Variants in HAPLN1 observed in about 807,000 individuals in gnomAD.
HAPLN1 encodes the protein Cartilage link protein.
A neutral mutation model predicts 36.5 loss-of-function variants in HAPLN1; 13 were observed. The ratio of observed to expected loss-of-function variants is 0.36; its 90% CI spans 0.23 to 0.57. The LOEUF (loss-of-function observed/expected upper bound fraction) is 0.57, where lower values mean the gene tolerates loss of function less well. Among genes scored for constraint, HAPLN1 ranks in the 20% least tolerant of loss-of-function variants. The pLI is 0.83. For synonymous variants in HAPLN1, 202 were observed against 169.8 expected (o/e 1.19, Z -1.48); for missense variants, 407 against 439.7 (o/e 0.93, Z 0.66).
rs994236317 is a variant in HAPLN1, at chr5:83,701,955, CACAA to C, written c.-27+18830_-27+18833del. 4.1e-5 allele frequency among the ~76,000 whole-genome samples: 6 copies of C among 144,764 alleles called. No homozygotes were observed. The South Asian group carries it at 6.6e-4, about 16-fold the overall frequency. The allele number at this position is 144,764 out of a possible 152,430, so 95.0% of individuals were successfully genotyped here. ...ACACACACACACACACACACACACA[CACAA>C]AATCTATATGAAGTAATCGAGGTAC... On this transcript the variant is annotated intron_variant, in intron 1 of 4. Coordinates refer to ENST00000274341, the MANE Select transcript of HAPLN1 (RefSeq NM_001884.4).
At chr5:83,669,279 G>A (rs1438096361) in intron 2 of HAPLN1, among the ~76,000 whole-genome samples, 1 of 152,124 alleles carries the variant, frequency 6.6e-6, no homozygotes, top group African/African-American at 2.4e-5. Flanking sequence ...GATGTGGGCT[G>A]ATCACCTGAG....
In HAPLN1 at chr5:83,652,534, G is replaced by C; in HGVS notation, c.391C>G (p.Leu131Val). 6.2e-7 allele frequency: 1 copy of C among 1,614,114 alleles called. No individual in the cohort carries two copies. Among genetic ancestry groups the C allele is most frequent in the Non-Finnish European group, 8.5e-7 (1 of 1,179,996 alleles). Reference sequence around the variant, plus strand: ...CACTTATATCTCCCATAATCTTCCAGAGTGAGGTCTGTGATGACCAGAGAA... The same window carrying C: ...CACTTATATCTCCCATAATCTTCCACAGTGAGGTCTGTGATGACCAGAGAA... The part of the protein sequence containing the change: ...DASLVITDLT[L>V]EDYGRYKCEV... The change falls in exon 3 of 5, where the codon CTG becomes GTG. Residue 131 changes from leucine (L) to valine (V), a missense_variant. Transcript: ENST00000274341.
At chr5:83,643,551 T>A (rs138304754) in intron 4 of HAPLN1, among the ~76,000 whole-genome samples, 1 of 152,130 alleles carries the variant, frequency 6.6e-6, no homozygotes, top group Non-Finnish European at 1.5e-5. Flanking sequence ...GCTGTCACCA[T>A]CTTAAAATTT....
chr5:83,683,091 C>T (rs1751044675), intron 1 of HAPLN1, among the ~76,000 whole-genome samples: 1 of 152,116 alleles, frequency 6.6e-6, no homozygotes, highest in African/African-American at 2.4e-5. Context: ...TCCATTGACT[C>T]AGAATGAAAT....
intron 3 of HAPLN1, among the ~76,000 whole-genome samples, chr5:83,651,711 T>G (rs1178905759): frequency 6.6e-6 from 1 of 152,086 alleles, no homozygotes; most frequent in African/African-American, 2.4e-5. Context: ...TATAAAATAA[T>G]GCTGAAATTT....
chr5:83,679,983 A>G (rs1750960723), intron 1 of HAPLN1, among the ~76,000 whole-genome samples: 2 of 152,198 alleles, frequency 1.3e-5, no homozygotes, highest in Non-Finnish European at 2.9e-5. Flanking sequence ...AGATAAATTC[A>G]TGGATTTTTA....
intron 1 of HAPLN1, among the ~76,000 whole-genome samples, chr5:83,685,623 T>C (rs575768952): frequency 9.2e-5 from 14 of 152,228 alleles, no homozygotes; most frequent in Non-Finnish European, 1.9e-4. Flanking sequence ...CATATTTTAT[T>C]AGTCTTTATA....
chr5:83,711,952 C>T (rs930778963), intron 1 of HAPLN1, among the ~76,000 whole-genome samples: 1 of 152,110 alleles, frequency 6.6e-6, no homozygotes, highest in Non-Finnish European at 1.5e-5. Flanking sequence ...AAAACAAATT[C>T]AGACAGTACT....
At position 83,644,642 on chromosome 5, in the gene HAPLN1, G is replaced by T. The variant is rs147329529; in HGVS notation, c.496C>A (p.Arg166=). 1.3e-4 allele frequency: 190 copies of T among 1,479,552 alleles called. No individual in the cohort carries two copies. In the African/African-American group the frequency reaches 2.2e-3, roughly 17 times the overall value. 91.7% of individuals were successfully genotyped at this position (1,479,552 alleles called of 1,614,324 possible). A position where few individuals can be genotyped will look rare whatever the true frequency, so the allele number is the denominator to read the frequency against. ...LQGVVFPYFP[R]LGRYNLNFHE... is the part of the protein sequence containing the mutation. ...AAATTGAGATTGTAGCGCCCCAGTC[G>T]TGGAAAGTAAGGGAATACCACACCT... The change falls in exon 4 of 5, where the codon CGA becomes AGA. Residue 166 remains arginine (R), a synonymous_variant. Transcript: ENST00000274341.
intron 2 of HAPLN1, among the ~76,000 whole-genome samples, chr5:83,662,975 A>G (rs1019953425): frequency 4.6e-5 from 7 of 152,354 alleles, no homozygotes; most frequent in Middle Eastern, 3.4e-3. Context: ...TCTAATAAAC[A>G]TGAATCAACA....
intron 3 of HAPLN1, among the ~76,000 whole-genome samples, chr5:83,647,856 T>C (rs1191917292): frequency 1.3e-5 from 2 of 152,186 alleles, no homozygotes; most frequent in African/African-American, 4.8e-5. Flanking sequence ...GCATAAATAA[T>C]ATTACCTTCC....
At chr5:83,716,924 C>G (rs182625014) in intron 1 of HAPLN1, among the ~76,000 whole-genome samples, 104 of 152,022 alleles carry the variant, frequency 6.8e-4, no homozygotes, top group African/African-American at 2.4e-3. Flanking sequence ...CCCAGCTACT[C>G]GAGAGGCTGA....
intron 1 of HAPLN1, chr5:83,674,418 C>T (rs754151943): frequency 5.3e-5 from 8 of 152,180 alleles, no homozygotes; most frequent in Non-Finnish European, 1.0e-4. Context: ...AGAGCCATCA[C>T]TTGCCTGTCC....
intron 1 of HAPLN1, among the ~76,000 whole-genome samples, chr5:83,705,337 C>T (rs1751613844): frequency 7.1e-6 from 1 of 141,722 alleles, no homozygotes; most frequent in African/African-American, 2.6e-5. Flanking sequence ...TTTCAGTGAG[C>T]CGAGATCGCA....
At chr5:83,679,611 G>T (rs1750949944) in intron 1 of HAPLN1, among the ~76,000 whole-genome samples, 1 of 151,926 alleles carries the variant, frequency 6.6e-6, no homozygotes, top group African/African-American at 2.4e-5. Context: ...GTGGTCATAG[G>T]ATTACTTATC....
intron 1 of HAPLN1, among the ~76,000 whole-genome samples, chr5:83,701,571 A>G (rs1751506218): frequency 6.6e-6 from 1 of 152,230 alleles, no homozygotes; most frequent in Admixed American, 6.5e-5. Context: ...AAAGATGGAT[A>G]AAACAACTCA....
At position 83,713,897 on chromosome 5, in the gene HAPLN1, T is replaced by C. The variant is rs189790501; in HGVS notation, c.-27+6892A>G. ...TGCTTTCCTTAGAGATTTACTGAGA[T>C]TAACAATTAATTTTATTTACATGAT... On this transcript the variant is annotated intron_variant, in intron 1 of 4. Transcript: ENST00000274341. 3.1e-4 allele frequency among the ~76,000 whole-genome samples: 47 copies of C among 152,326 alleles called. 1 individual carries two copies. The highest frequency in any genetic ancestry group is 2.7e-3 in the Admixed American group (42 of 15,302).
At position 83,639,672 on chromosome 5, in the gene HAPLN1, A is replaced by G. The variant is rs1749623692; in HGVS notation, c.*1824T>C. The G allele has an allele frequency of 6.6e-6, 1 of 152,052 alleles. No individual in the cohort carries two copies. The highest frequency in any genetic ancestry group is 1.5e-5 in the Non-Finnish European group (1 of 67,932). The allele number at this position is 152,052 out of a possible 1,614,324, so 9.4% of individuals were successfully genotyped here. ...TCCTTAATTTAGAAGTGCAAGTTCT[A>G]TTTATACCACCAGTGTTTGAGTTTA... On this transcript the variant is annotated 3_prime_UTR_variant, in exon 5 of 5. Coordinates refer to ENST00000274341, the MANE Select transcript of HAPLN1 (RefSeq NM_001884.4).
Position 83,679,873 on chromosome 5 carries a change from C to T in HAPLN1, c.-26-6324G>A, listed in dbSNP as rs543235624. Among the ~76,000 whole-genome samples the T allele has an allele frequency of 1.1e-4, 17 of 152,298 alleles. No homozygotes were observed. In the South Asian group the frequency reaches 1.2e-3, roughly 11 times the overall value. On this transcript the variant is annotated intron_variant, in intron 1 of 4. Coordinates refer to ENST00000274341, the MANE Select transcript of HAPLN1 (RefSeq NM_001884.4). ...AAAGAGTTGACGTCAAATGTCCAAG[C>T]TCCATGTTAGTTGTTATTATTATGA...
Sources: gnomAD v4.1 joint callset for allele counts (sites outside exome capture counted in the v4.1 genomes callset) on GRCh38, gnomAD v4.1.1 for gene constraint, MANE v1.5 for transcripts, NCBI Gene and HGNC (gene_info 2026-07-23, HGNC 2026-07-21) for gene names.